Variants in FRMD4B observed in about 807,000 individuals in gnomAD.
FRMD4B encodes FERM domain-containing protein 4B.
In FRMD4B, 74 loss-of-function variants were observed where a neutral mutation model predicts 141.5. That is an observed-to-expected ratio of 0.52 (90% CI 0.43 to 0.63). FRMD4B has a LOEUF of 0.63. Ranked by LOEUF, FRMD4B falls within the 30% of genes least tolerant of loss-of-function variation. The pLI is 0.00. For missense variants in FRMD4B, 1,366 were observed against 1,253.4 expected (o/e 1.09, Z -1.36); for synonymous variants, 506 against 467.9 (o/e 1.08, Z -1.05).
chr3:69,454,273 A>T (rs771022964), intron 1 of FRMD4B, among the ~76,000 whole-genome samples: 3 of 152,236 alleles, frequency 2.0e-5, no homozygotes, highest in Admixed American at 6.5e-5. Context: ...TTGGGAGGTG[A>T]CAGCGTGCTG....
intron 16 of FRMD4B, among the ~76,000 whole-genome samples, chr3:69,194,346 G>T (rs1382044717): frequency 6.6e-6 from 1 of 152,140 alleles, no homozygotes; most frequent in Non-Finnish European, 1.5e-5. Context: ...GTAGGATGAG[G>T]ATTAAATGAG....
In FRMD4B at chr3:69,266,033, C is replaced by CAA. The variant is rs34950792; in HGVS notation, c.502-15936_502-15935dup. On this transcript the variant is annotated intron_variant, in intron 5 of 22. Transcript: ENST00000398540. Reference sequence around the variant, plus strand: ...GCAACATAGTGAGACCCTCTTGCTACAAAAAAAAAAAACTTTAAATTATCC... The same window carrying CAA: ...GCAACATAGTGAGACCCTCTTGCTACAAAAAAAAAAAAAACTTTAAATTATCC... Among the ~76,000 whole-genome samples the CAA allele has an allele frequency of 2.5e-4, 36 of 142,234 alleles. 1 individual carries two copies. Among genetic ancestry groups the CAA allele is most frequent in the Middle Eastern group, 3.5e-3 (1 of 284 alleles). The allele number at this position is 142,234 out of a possible 152,430, so 93.3% of individuals were successfully genotyped here.
chr3:69,281,034 G>C (rs765662456), intron 5 of FRMD4B, among the ~76,000 whole-genome samples: 4 of 152,004 alleles, frequency 2.6e-5, no homozygotes, highest in Non-Finnish European at 5.9e-5. Flanking sequence ...GAGTTCAAGC[G>C]ATTCTCCTGC....
chr3:69,466,803 C>T (rs923186002), intron 1 of FRMD4B, among the ~76,000 whole-genome samples: 1 of 152,172 alleles, frequency 6.6e-6, no homozygotes, highest in Non-Finnish European at 1.5e-5. Context: ...TTCACTGATC[C>T]TCCCATCTCA....
At chr3:69,334,118 A>C (rs1242328904) in intron 1 of FRMD4B, 1 of 152,232 alleles carries the variant, frequency 6.6e-6, no homozygotes, top group Admixed American at 6.5e-5. Context: ...CAGGTGTGTC[A>C]GCCTCAAGGA....
At chr3:69,275,058 G>C (rs1466579671) in intron 5 of FRMD4B, among the ~76,000 whole-genome samples, 2 of 152,158 alleles carry the variant, frequency 1.3e-5, no homozygotes, top group African/African-American at 4.8e-5. Context: ...GTGGACAAGA[G>C]GTCAAAGTAG....
intron 1 of FRMD4B, among the ~76,000 whole-genome samples, chr3:69,370,340 G>A (rs1400953203): frequency 6.6e-6 from 1 of 152,148 alleles, no homozygotes; most frequent in Non-Finnish European, 1.5e-5. Flanking sequence ...AATAGCGATC[G>A]CTTGACACTC....
chr3:69,537,347 G>C (rs1244380731), intron 1 of FRMD4B, among the ~76,000 whole-genome samples: 1 of 152,090 alleles, frequency 6.6e-6, no homozygotes, highest in East Asian at 1.9e-4. Flanking sequence ...AAATAACACA[G>C]ACCCAAATAA....
At chr3:69,178,627 GTA>G (rs2092674227) in intron 21 of FRMD4B, among the ~76,000 whole-genome samples, 1 of 149,484 alleles carries the variant, frequency 6.7e-6, no homozygotes, top group Admixed American at 6.7e-5. Context: ...AGGTATAATA[GTA>G]TCACTGCACT....
chr3:69,204,820 C>T (rs999367204), intron 11 of FRMD4B, among the ~76,000 whole-genome samples: 5 of 152,136 alleles, frequency 3.3e-5, no homozygotes, highest in African/African-American at 1.2e-4. Context: ...CATCTATTAT[C>T]TTATGGCGTC....
At chr3:69,202,723 G>C (rs765544430) in intron 11 of FRMD4B, among the ~76,000 whole-genome samples, 1 of 151,988 alleles carries the variant, frequency 6.6e-6, no homozygotes, top group Non-Finnish European at 1.5e-5. Flanking sequence ...CTGTAAATTA[G>C]GTCTTCCAGA....
chr3:69,274,505 CTT>C (rs1225710448), intron 5 of FRMD4B, among the ~76,000 whole-genome samples: 1 of 151,902 alleles, frequency 6.6e-6, no homozygotes, highest in Non-Finnish European at 1.5e-5. Context: ...TTTGTTGATT[CTT>C]TATTTTTTTA....
chr3:69,198,927 A>G, intron 11 of FRMD4B, 153 bp from the exon 12 acceptor site: 1 of 611,698 alleles, frequency 1.6e-6, no homozygotes, highest in East Asian at 2.8e-5. Context: ...CAAATCAACT[A>G]TGACCTGAAA....
At chr3:69,239,968 G>A (rs779519067) in intron 7 of FRMD4B, among the ~76,000 whole-genome samples, 3 of 151,758 alleles carry the variant, frequency 2.0e-5, no homozygotes, top group African/African-American at 4.8e-5. Context: ...CAGGAGAATC[G>A]CTTGAACCCA....
exon 1 of FRMD4B, chr3:69,542,340 C>T (rs1255219938): frequency 1.3e-5 from 2 of 154,520 alleles, no homozygotes; most frequent in Non-Finnish European, 2.9e-5. Flanking sequence ...TGTGCCTTCC[C>T]CGGCGGCGGC....
chr3:69,528,921 G>A (rs1032129878), intron 1 of FRMD4B, among the ~76,000 whole-genome samples: 3 of 152,262 alleles, frequency 2.0e-5, no homozygotes, highest in East Asian at 1.9e-4. Context: ...GATGAGCAAG[G>A]GAGCTGGAGT....
chr3:69,382,657 G>C (rs1272066893), intron 1 of FRMD4B, among the ~76,000 whole-genome samples: 1 of 151,320 alleles, frequency 6.6e-6, no homozygotes, highest in East Asian at 1.9e-4. Flanking sequence ...CCCATACTCT[G>C]TGCCAATCAG....
intron 2 of FRMD4B, among the ~76,000 whole-genome samples, chr3:69,397,538 T>TA (rs1327523597): frequency 6.6e-6 from 1 of 151,980 alleles, no homozygotes; most frequent in African/African-American, 2.4e-5. Flanking sequence ...TAGATAACTT[T>TA]AAAAAAAGAA....
Position 69,231,694 on chromosome 3 carries a change from T to C in FRMD4B, c.582-7004A>G, listed in dbSNP as rs13089144. On this transcript the variant is annotated intron_variant, in intron 7 of 22. Coordinates refer to ENST00000398540, the MANE Select transcript of FRMD4B (RefSeq NM_015123.3). ...ATGGAATCAAGTATGGCCAGTTGAG[T>C]GGATGTGGGGAAAGCCGAAGTTCAA... Among the ~76,000 whole-genome samples, 453 of 152,234 alleles carry C rather than the reference T, an allele frequency of 3.0e-3. 1 individual carries two copies. The highest frequency in any genetic ancestry group is 5.2e-3 in the Non-Finnish European group (351 of 68,014).
Sources: gnomAD v4.1 joint callset for allele counts (sites outside exome capture counted in the v4.1 genomes callset) on GRCh38, gnomAD v4.1.1 for gene constraint, MANE v1.5 for transcripts, NCBI Gene and HGNC (gene_info 2026-07-23, HGNC 2026-07-21) for gene names.